The following TBX19 variants were observed in gnomAD, a reference collection of about 807,000 sequenced individuals.
TBX19 encodes T-box transcription factor 19, also known as T-box transcription factor TBX19.
TBX19 carries 33 observed loss-of-function variants against 40.9 expected under a neutral mutation model. That is an observed-to-expected ratio of 0.81 (90% CI 0.61 to 1.08). TBX19 has a LOEUF of 1.08. Ranked by LOEUF, TBX19 falls within the 50% of genes least tolerant of loss-of-function variation. The pLI is 0.00. For missense variants in TBX19, 494 were observed against 574.0 expected (o/e 0.86, Z 1.42); for synonymous variants, 220 against 225.0 (o/e 0.98, Z 0.20).
chr1:168,291,441 C>G lies in TBX19; in HGVS notation c.468+17C>G. On this transcript the variant is annotated intron_variant, in intron 2 of 7. Coordinates refer to ENST00000367821, the MANE Select transcript of TBX19 (RefSeq NM_005149.3). Reference sequence around the variant, plus strand: ...GGCGGGCAGGTACGAATGAGGCGGGCAGGCCTGGCCACCCGCTCCGGCCTC... The same window carrying G: ...GGCGGGCAGGTACGAATGAGGCGGGGAGGCCTGGCCACCCGCTCCGGCCTC... The G allele has an allele frequency of 6.2e-7, 1 of 1,614,078 alleles. No homozygotes were observed.
At chr1:168,299,006 T>G (rs12093455) in intron 4 of TBX19, among the ~76,000 whole-genome samples, 8,399 of 149,198 alleles carry the variant, frequency 0.056, 269 homozygotes, top group East Asian at 0.12. Flanking sequence ...TTCTGCTTCC[T>G]GGGTGCAAGC....
chr1:168,290,315 G>T (rs904853704), intron 1 of TBX19, among the ~76,000 whole-genome samples: 1 of 152,210 alleles, frequency 6.6e-6, no homozygotes, highest in Non-Finnish European at 1.5e-5. Context: ...AAGGATCGAT[G>T]AATCTAGATC....
At chr1:168,306,342 T>G (rs1332154625) in intron 6 of TBX19, among the ~76,000 whole-genome samples, 1 of 152,122 alleles carries the variant, frequency 6.6e-6, no homozygotes, top group African/African-American at 2.4e-5. Context: ...AGACATAGTT[T>G]CAGGGCCGGG....
intron 3 of TBX19, among the ~76,000 whole-genome samples, chr1:168,294,263 T>C (rs1226865987): frequency 1.3e-5 from 2 of 152,242 alleles, no homozygotes; most frequent in Admixed American, 6.5e-5. Flanking sequence ...CTGCAGAATA[T>C]TTCATTGTAT....
intron 7 of TBX19, among the ~76,000 whole-genome samples, chr1:168,309,285 A>G (rs966919868): frequency 2.0e-5 from 3 of 152,222 alleles, no homozygotes; most frequent in Admixed American, 6.5e-5. Flanking sequence ...AGGCAGGAGA[A>G]TCGCTTGAAC....
In TBX19 at chr1:168,297,914, C is replaced by T. The variant is rs115184457; in HGVS notation, c.665+129C>T. The T allele has an allele frequency of 3.0e-3, 2,454 of 827,874 alleles. 40 individuals carry two copies. In the African/African-American group the frequency reaches 0.036, roughly 12 times the overall value. 51.3% of individuals were successfully genotyped at this position (827,874 alleles called of 1,614,324 possible). ...ATTACCTTTTATAGAAATAGGCTTT[C>T]GGCCAGGTGCGGTGGCTCATGCCTG... is the stretch of plus-strand genomic sequence containing the variant. On this transcript the variant is annotated intron_variant, in intron 4 of 7. Transcript: ENST00000367821.
At chr1:168,288,256 T>C (rs1450011057) in intron 1 of TBX19, among the ~76,000 whole-genome samples, 1 of 144,832 alleles carries the variant, frequency 6.9e-6, no homozygotes, top group Admixed American at 7.0e-5. Flanking sequence ...GTTAATGCTA[T>C]GTAAATAGTT....
Position 168,312,806 on chromosome 1 carries a change from G to T in TBX19, c.1151G>T (p.Gly384Val). 6.2e-7 allele frequency: 1 copy of T among 1,614,260 alleles called. No individual in the cohort carries two copies. Among genetic ancestry groups the T allele is most frequent in the Non-Finnish European group, 8.5e-7 (1 of 1,180,048 alleles). ...AGCACCCCAGGAGCATTTCTCCTCGGAAACCCAGCTGTGACTTCACCCCCT... is the reference window on the plus strand; with the variant it reads ...AGCACCCCAGGAGCATTTCTCCTCGTAAACCCAGCTGTGACTTCACCCCCT... The part of the protein sequence containing the change: ...HASTPGAFLL[G>V]NPAVTSPPSV... Residue 384 changes from glycine (G) to valine (V), a missense_variant, in exon 8 of 8, where the codon GGA (glycine) becomes GTA (valine). By Grantham distance (109) the Gly-to-Val change is moderately radical (BLOSUM62 -3). Around this residue, in one of 3 missense-constraint regions of TBX19, gnomAD observed 284 missense variants for 307.3 expected, o/e 0.92. Transcript: ENST00000367821.
chr1:168,301,018 A>G (rs1189646215), intron 5 of TBX19, among the ~76,000 whole-genome samples: 3 of 152,218 alleles, frequency 2.0e-5, no homozygotes, highest in Non-Finnish European at 4.4e-5. Context: ...TACCTTGTCC[A>G]TGTCCCAGGA....
chr1:168,298,162 T>G (rs189295835), intron 4 of TBX19, among the ~76,000 whole-genome samples: 2 of 152,132 alleles, frequency 1.3e-5, no homozygotes, highest in Non-Finnish European at 2.9e-5. Context: ...CGCCACTGCA[T>G]TCCAGCCTGG....
In TBX19 at chr1:168,281,205, A is replaced by G. The variant is rs753819978; in HGVS notation, c.115A>G (p.Lys39Glu). Residue 39 changes from lysine to glutamate, a missense_variant, in exon 1 of 8, where the codon AAG becomes GAG. Physicochemically the swap from Lys to Glu is moderately conservative, Grantham distance 56 (BLOSUM62 1). Around this residue, in one of 3 missense-constraint regions of TBX19, gnomAD observed 201 missense variants for 235.2 expected, o/e 0.85. Transcript: ENST00000367821. ...AGREKGDPTE[K>E]QLQIILEDAP... ...GAGGGAAAAAGGCGACCCTACGGAG[A>G]AGCAACTTCAGATCATCCTGGAGGA... 5 of 1,614,038 alleles carry G rather than the reference A, an allele frequency of 3.1e-6. No individual in the cohort carries two copies. The East Asian group carries it at 6.7e-5, about 22-fold the overall frequency.
chr1:168,282,136 C>G (rs1387945625), intron 1 of TBX19, among the ~76,000 whole-genome samples: 1 of 152,178 alleles, frequency 6.6e-6, no homozygotes, highest in Non-Finnish European at 1.5e-5. Context: ...TTTTCATACA[C>G]ATGGTCACAA....
At chr1:168,289,023 A>G (rs1271722249) in intron 1 of TBX19, among the ~76,000 whole-genome samples, 2 of 152,230 alleles carry the variant, frequency 1.3e-5, no homozygotes, top group East Asian at 3.8e-4. Flanking sequence ...CAAAATGACA[A>G]TTATACACAT....
At chr1:168,285,991 C>T (rs1189482876) in intron 1 of TBX19, among the ~76,000 whole-genome samples, 3 of 152,110 alleles carry the variant, frequency 2.0e-5, no homozygotes, top group Non-Finnish European at 4.4e-5. Flanking sequence ...GGCAAGTTGA[C>T]TGACTTTTAT....
chr1:168,284,041 C>T (rs1355168221), intron 1 of TBX19, among the ~76,000 whole-genome samples: 1 of 152,180 alleles, frequency 6.6e-6, no homozygotes, highest in Non-Finnish European at 1.5e-5. Flanking sequence ...ACGGAATTAT[C>T]TCCAGAAACT....
intron 6 of TBX19, 68 bp downstream of exon 6, chr1:168,305,264 A>G: frequency 6.7e-7 from 1 of 1,488,890 alleles, no homozygotes; most frequent in Non-Finnish European, 9.3e-7. Context: ...AGAAATGGAT[A>G]AACAGCTAGG....
chr1:168,302,492 T>G (rs1349630793), intron 5 of TBX19, among the ~76,000 whole-genome samples: 2 of 152,128 alleles, frequency 1.3e-5, no homozygotes, highest in Non-Finnish European at 2.9e-5. Flanking sequence ...TGAGGCATGG[T>G]CAGCGGGAGA....
intron 7 of TBX19, 77 bp from the exon 8 acceptor site, chr1:168,312,631 G>T (rs1649551173): frequency 1.3e-6 from 2 of 1,530,494 alleles, no homozygotes; most frequent in Non-Finnish European, 1.8e-6. Flanking sequence ...TCAGCACTGT[G>T]TACATGCTTG....
Position 168,293,809 on chromosome 1 carries a change from G to A in TBX19, c.603+531G>A, listed in dbSNP as rs991062712. Among the ~76,000 whole-genome samples the A allele has an allele frequency of 2.0e-5, 3 of 152,250 alleles. No individual in the cohort carries two copies. In the East Asian group the frequency reaches 5.8e-4, roughly 29 times the overall value. On this transcript the variant is annotated intron_variant, in intron 3 of 7. Transcript: ENST00000367821. ...TGGCTGTGAGGGCTGAGTGGTTAGC[G>A]CCTGGCCTGTCTGTGAGCTGCTTTG...
Sources: allele counts gnomAD v4.1 joint callset (sites outside exome capture counted in the v4.1 genomes callset), GRCh38; gene constraint gnomAD v4.1.1; regional missense constraint gnomAD v4.1.1; transcripts MANE v1.5; gene names NCBI Gene and HGNC (gene_info 2026-07-23, HGNC 2026-07-21).